The following KCTD1 variants were observed in gnomAD, a reference collection of about 807,000 sequenced individuals.
KCTD1 encodes the protein BTB/POZ domain-containing protein KCTD1.
Under a neutral mutation model 66.0 loss-of-function variants are expected in KCTD1, and 24 were observed. That is an observed-to-expected ratio of 0.36 (90% CI 0.26 to 0.51). The LOEUF (loss-of-function observed/expected upper bound fraction) is 0.51. Among genes scored for constraint, KCTD1 ranks in the 20% least tolerant of loss-of-function variants. The probability of loss-of-function intolerance (pLI) is 0.95; values close to 1 mark genes in which losing one functional copy is unlikely to be tolerated. For synonymous variants in KCTD1, 511 were observed against 517.2 expected (o/e 0.99, Z 0.16); for missense variants, 943 against 1,205.2 (o/e 0.78, Z 3.22).
At chr18:26,600,017 T>C (rs1986853601) in intron 1 of KCTD1, 2 of 1,611,378 alleles carry the variant, frequency 1.2e-6, no homozygotes, top group African/African-American at 1.3e-5. Flanking sequence ...GCCAACGATA[T>C]GGAGGACGAC....
chr18:26,554,029 GA>G (rs1017335909), intron 1 of KCTD1, among the ~76,000 whole-genome samples: 2 of 144,162 alleles, frequency 1.4e-5, no homozygotes, highest in Non-Finnish European at 3.1e-5. Flanking sequence ...TGAAAGAAAA[GA>G]AAGGAAGGAA....
At chr18:26,601,813 T>C (rs993209268) in intron 1 of KCTD1, among the ~76,000 whole-genome samples, 2 of 152,224 alleles carry the variant, frequency 1.3e-5, no homozygotes, top group Non-Finnish European at 2.9e-5. Context: ...TGTTCATTAT[T>C]AGTGTATACA....
upstream of KCTD1, among the ~76,000 whole-genome samples, chr18:26,640,710 T>C (rs574510102): frequency 5.3e-5 from 8 of 152,218 alleles, no homozygotes; most frequent in South Asian, 1.5e-3. Context: ...GAGTTTACTT[T>C]GGGACCTTAT....
intron 1 of KCTD1, among the ~76,000 whole-genome samples, chr18:26,530,174 C>T (rs1539814): frequency 6.6e-6 from 1 of 151,952 alleles, no homozygotes; most frequent in South Asian, 2.1e-4. Context: ...TTCTCTACAC[C>T]CAAATTTTAA....
At chr18:26,543,633 G>C (rs1462739569) in intron 1 of KCTD1, 1 of 152,206 alleles carries the variant, frequency 6.6e-6, no homozygotes. Flanking sequence ...AAGGACCAAC[G>C]GCCCACACTG....
At chr18:26,612,238 G>T (rs946884885) in intron 1 of KCTD1, among the ~76,000 whole-genome samples, 2 of 152,022 alleles carry the variant, frequency 1.3e-5, no homozygotes, top group African/African-American at 2.4e-5. Flanking sequence ...GCAAACTCTG[G>T]CAGCCTTGGT....
chr18:26,599,401 C>T, intron 1 of KCTD1: 1 of 1,611,024 alleles, frequency 6.2e-7, no homozygotes, highest in Non-Finnish European at 8.5e-7. Flanking sequence ...TACTGCACTG[C>T]AAGAATGGCA....
chr18:26,548,243 C>A lies in KCTD1; in HGVS notation c.294G>T (p.Gly98=). The A allele has an allele frequency of 8.6e-6, 13 of 1,514,614 alleles. No homozygotes were observed. The highest frequency in any genetic ancestry group is 1.1e-5 in the Non-Finnish European group (13 of 1,135,378). 93.8% of individuals were successfully genotyped at this position (1,514,614 alleles called of 1,614,324 possible). Residue 98 remains glycine (G), a synonymous_variant, in exon 1 of 5, where the codon GGG becomes GGT. Transcript: ENST00000580059. ...DEEEEEEEEM[G]LDWDEPLEPE... Reference sequence around the variant, plus strand: ...GCTCCAGGGGCTCGTCCCAGTCCAGCCCCATCTCCTCCTCTTCCTCCTCCT... The same window carrying A: ...GCTCCAGGGGCTCGTCCCAGTCCAGACCCATCTCCTCCTCTTCCTCCTCCT...
intron 1 of KCTD1, among the ~76,000 whole-genome samples, chr18:26,652,094 G>C (rs536001386): frequency 1.3e-5 from 2 of 152,174 alleles, no homozygotes; most frequent in African/African-American, 4.8e-5. Flanking sequence ...GATATGGACC[G>C]AGGGACTGAG....
Position 26,501,067 on chromosome 18 carries a change from A to G in KCTD1, c.1988+5T>C, listed in dbSNP as rs754753003. 1.9e-6 allele frequency: 3 copies of G among 1,609,868 alleles called. No individual in the cohort carries two copies. Among genetic ancestry groups the G allele is most frequent in the Non-Finnish European group, 2.5e-6 (3 of 1,177,558 alleles). On this transcript the variant is annotated splice_donor_5th_base_variant and intron_variant, in intron 2 of 4. Transcript: ENST00000580059. ...GGAGTCTGATTTTTCAGTTTTTCAG[A>G]TTACCTGGATTCAGGGTATTTGGTG... is the stretch of plus-strand genomic sequence containing the variant.
In KCTD1 at chr18:26,501,146, C is replaced by T. The variant is rs17855215; in HGVS notation, c.1914G>A (p.Ala638=). Reference sequence around the variant, plus strand: ...GGCCGCCCACATCAATGTGGACAGGCGCATTGGATTTTGTGAGTTGTGCTG... The same window carrying T: ...GGCCGCCCACATCAATGTGGACAGGTGCATTGGATTTTGTGAGTTGTGCTG... ...PTPAQLTKSN[A]PVHIDVGGHM... is the part of the protein sequence containing the mutation. Residue 638 remains alanine (A), a synonymous_variant, in exon 2 of 5, where the codon GCG becomes GCA. Transcript: ENST00000580059. 6.9e-5 allele frequency: 112 copies of T among 1,614,146 alleles called. No individual in the cohort carries two copies. The highest frequency in any genetic ancestry group is 5.4e-4 in the South Asian group (49 of 91,074).
chr18:26,495,145 G>T (rs752046896), intron 2 of KCTD1, among the ~76,000 whole-genome samples: 21 of 151,872 alleles, frequency 1.4e-4, no homozygotes, highest in Admixed American at 3.3e-4. Context: ...CTAAAACAAC[G>T]GCTTGCACGA....
intron 1 of KCTD1, among the ~76,000 whole-genome samples, chr18:26,541,219 G>A (rs1189954105): frequency 2.0e-5 from 3 of 152,178 alleles, no homozygotes; most frequent in Non-Finnish European, 4.4e-5. Context: ...CCTGCCTGGA[G>A]AAAGAGGAGC....
chr18:26,520,072 T>C (rs1166782074), intron 1 of KCTD1, among the ~76,000 whole-genome samples: 1 of 152,248 alleles, frequency 6.6e-6, no homozygotes, highest in Non-Finnish European at 1.5e-5. Context: ...AACACAGGAC[T>C]ATATTTGAGT....
upstream of KCTD1, among the ~76,000 whole-genome samples, chr18:26,629,961 A>G (rs1396597912): frequency 6.6e-6 from 1 of 152,090 alleles, no homozygotes; most frequent in African/African-American, 2.4e-5. Context: ...TGGCCCTTTC[A>G]AGGAACAAGA....
At chr18:26,546,264 C>T (rs1204384634) in intron 1 of KCTD1, among the ~76,000 whole-genome samples, 1 of 150,382 alleles carries the variant, frequency 6.6e-6, no homozygotes, top group African/African-American at 2.4e-5. Context: ...GGGATTGGCA[C>T]GTTTTCTTTT....
intron 1 of KCTD1, among the ~76,000 whole-genome samples, chr18:26,510,003 A>G (rs1411063376): frequency 1.3e-5 from 2 of 152,210 alleles, no homozygotes; most frequent in Non-Finnish European, 2.9e-5. Flanking sequence ...GGCATTTAGA[A>G]GGAAAAAATG....
At chr18:26,480,307 T>C (rs1981574811) in intron 2 of KCTD1, among the ~76,000 whole-genome samples, 1 of 152,166 alleles carries the variant, frequency 6.6e-6, no homozygotes, top group Admixed American at 6.5e-5. Flanking sequence ...TATGCCTCAT[T>C]CTCCTTTCCA....
At chr18:26,601,582 T>C (rs1006851207) in intron 1 of KCTD1, among the ~76,000 whole-genome samples, 17 of 152,196 alleles carry the variant, frequency 1.1e-4, no homozygotes, top group African/African-American at 3.4e-4. Context: ...GGAGACTGCA[T>C]TGAATCTGCA....
Sources: allele counts gnomAD v4.1 joint callset (sites outside exome capture counted in the v4.1 genomes callset), GRCh38; gene constraint gnomAD v4.1.1; transcripts MANE v1.5; gene names NCBI Gene and HGNC (gene_info 2026-07-23, HGNC 2026-07-21).